The following SUSD3 variants were observed in gnomAD, a reference collection of about 807,000 sequenced individuals.
SUSD3 encodes the protein sushi domain containing 3.
SUSD3 carries 18 observed loss-of-function variants against 20.6 expected under a neutral mutation model. That is an observed-to-expected ratio of 0.87 (90% CI 0.60 to 1.30). SUSD3 has a LOEUF of 1.30. SUSD3 is among the 50% of genes most tolerant of loss of function. The pLI is 0.00. For synonymous variants in SUSD3, 137 were observed against 141.5 expected, an observed-to-expected ratio of 0.97 and a Z score of 0.23; for missense variants, 306 against 346.9, an observed-to-expected ratio of 0.88 and a Z score of 0.94.
At chr9:93,064,123 A>G (rs1825613967) in intron 1 of SUSD3, among the ~76,000 whole-genome samples, 1 of 151,964 alleles carries the variant, frequency 6.6e-6, no homozygotes, top group African/African-American at 2.4e-5. Flanking sequence ...ATCTTGGCTC[A>G]CTGCGGCTTC....
In SUSD3 at chr9:93,084,554, C is replaced by T; in HGVS notation, c.575C>T (p.Thr192Ile). 1.3e-6 allele frequency: 2 copies of T among 1,595,956 alleles called. No homozygotes were observed. Among genetic ancestry groups the T allele is most frequent in the South Asian group, 1.1e-5 (1 of 88,184 alleles). The change falls in exon 5 of 5, where the codon ACC becomes ATC. Residue 192 changes from threonine (T) to isoleucine (I), a missense_variant. Thr to Ile is a moderately conservative substitution (Grantham distance 89). Transcript: ENST00000375472. ...CTCCACAGAGACCATGGTGAGAGCA[C>T]CAGCAAGCTGGCCAGTGTGACCCGC... ...HSFTTDHGES[T>I]SKLASVTRSV... is the part of the protein sequence containing the mutation.
chr9:93,066,008 G>A (rs920575619), intron 1 of SUSD3, among the ~76,000 whole-genome samples: 3 of 152,292 alleles, frequency 2.0e-5, no homozygotes, highest in Admixed American at 1.3e-4. Flanking sequence ...TATGCTCAGC[G>A]TCAGCTGTCA....
intron 1 of SUSD3, among the ~76,000 whole-genome samples, chr9:93,062,223 A>T (rs1436633073): frequency 6.6e-6 from 1 of 152,212 alleles, no homozygotes; most frequent in Non-Finnish European, 1.5e-5. Flanking sequence ...GGCATCACAC[A>T]GGTGTGGCCC....
At chr9:93,066,322 C>T (rs1463369384) in intron 1 of SUSD3, among the ~76,000 whole-genome samples, 1 of 152,208 alleles carries the variant, frequency 6.6e-6, no homozygotes, top group Non-Finnish European at 1.5e-5. Context: ...CAACCTCCAC[C>T]TCCCAGGTTC....
In SUSD3 at chr9:93,075,980, C is replaced by G. The variant is rs1826142210; in HGVS notation, c.277+8C>G. The G allele has an allele frequency of 6.3e-7, 1 of 1,579,282 alleles. No homozygotes were observed. Among genetic ancestry groups the G allele is most frequent in the Non-Finnish European group, 8.6e-7 (1 of 1,156,932 alleles). On this transcript the variant is annotated splice_region_variant and intron_variant, in intron 2 of 4. Transcript: ENST00000375472. The stretch of plus-strand genomic sequence containing the variant: ...GGTCCCCAGTGTGCAAACGTAAGGA[C>G]CCCTCTCTCAGCTCGGTGGCTCTGG...
intron 1 of SUSD3, among the ~76,000 whole-genome samples, chr9:93,067,781 C>T (rs766596131): frequency 1.3e-5 from 2 of 152,042 alleles, no homozygotes; most frequent in East Asian, 3.9e-4. Flanking sequence ...TAGTTTTAGT[C>T]GAGACAGAGT....
chr9:93,077,990 A>G lies in SUSD3; in HGVS notation c.422A>G (p.Asn141Ser), dbSNP rs749051762. Residue 141 changes from asparagine to serine, a missense_variant, in exon 3 of 5, where the codon AAC becomes AGC. By Grantham distance (46) the Asn-to-Ser change is conservative. Coordinates refer to ENST00000375472, the MANE Select transcript of SUSD3 (RefSeq NM_145006.4). ...CVKKSKRRRS[N>S]RSAQLWSQLK... Reference sequence around the variant, plus strand: ...AAGAAGAGCAAGCGGCGGCGCTCCAACAGGTACGGTGGCCTCATGATCTCA... The same window carrying G: ...AAGAAGAGCAAGCGGCGGCGCTCCAGCAGGTACGGTGGCCTCATGATCTCA... 1.2e-6 allele frequency: 2 copies of G among 1,614,050 alleles called. No homozygotes were observed. Among genetic ancestry groups the G allele is most frequent in the African/African-American group, 2.7e-5 (2 of 74,946 alleles).
chr9:93,077,710 A>C, intron 2 of SUSD3, 136 bp from the exon 3 acceptor site: 1 of 830,572 alleles, frequency 1.2e-6, no homozygotes, highest in East Asian at 2.7e-5. Flanking sequence ...TTACCATGCA[A>C]ACAGGGCTCA....
chr9:93,066,447 G>A (rs929607806), intron 1 of SUSD3, among the ~76,000 whole-genome samples: 3 of 151,952 alleles, frequency 2.0e-5, no homozygotes, highest in East Asian at 1.9e-4. Context: ...TTGGTCAGGC[G>A]GGTCTCAAAC....
chr9:93,065,568 A>G (rs916450430), intron 1 of SUSD3, among the ~76,000 whole-genome samples: 2 of 152,198 alleles, frequency 1.3e-5, no homozygotes, highest in Non-Finnish European at 2.9e-5. Flanking sequence ...AGGACTGGGA[A>G]GTGTTGGCTG....
chr9:93,083,267 C>T (rs955719217), intron 4 of SUSD3, among the ~76,000 whole-genome samples: 2 of 152,172 alleles, frequency 1.3e-5, no homozygotes, highest in Non-Finnish European at 2.9e-5. Context: ...AGCACTCAGC[C>T]CAGCTTCATG....
chr9:93,070,506 G>A (rs1228935021), intron 1 of SUSD3, among the ~76,000 whole-genome samples: 6 of 152,220 alleles, frequency 3.9e-5, no homozygotes, highest in Non-Finnish European at 8.8e-5. Flanking sequence ...AGGTGCCTGC[G>A]GTTGACCCTG....
chr9:93,080,739 G>A (rs1199017596), intron 4 of SUSD3, among the ~76,000 whole-genome samples: 3 of 152,234 alleles, frequency 2.0e-5, no homozygotes, highest in Admixed American at 2.0e-4. Context: ...TCTGACTTGT[G>A]GTCTCAGCGT....
At chr9:93,071,199 GT>G (rs1160286550) in intron 1 of SUSD3, among the ~76,000 whole-genome samples, 1 of 152,208 alleles carries the variant, frequency 6.6e-6, no homozygotes, top group Non-Finnish European at 1.5e-5. Flanking sequence ...ATAAAGGGGA[GT>G]TTATTAAGGA....
At chr9:93,066,944 G>C (rs544656332) in intron 1 of SUSD3, among the ~76,000 whole-genome samples, 1 of 151,780 alleles carries the variant, frequency 6.6e-6, no homozygotes, top group South Asian at 2.1e-4. Context: ...CTGACCTCAG[G>C]TGATCTGACC....
At chr9:93,070,513 C>G (rs991176140) in intron 1 of SUSD3, among the ~76,000 whole-genome samples, 1 of 152,220 alleles carries the variant, frequency 6.6e-6, no homozygotes, top group African/African-American at 2.4e-5. Context: ...TGCGGTTGAC[C>G]CTGGCGGAAC....
Position 93,077,844 on chromosome 9 carries a change from A to C in SUSD3, c.278-2A>C. The C allele has an allele frequency of 6.2e-7, 1 of 1,614,084 alleles. No homozygotes were observed. ...AGGAGCTGGTGGTTGTCTCCCACAC[A>C]GTGGTGCCACCACACGAGACCTTTG... On this transcript the variant is annotated splice_acceptor_variant, in intron 2 of 4. Coordinates refer to ENST00000375472, the MANE Select transcript of SUSD3 (RefSeq NM_145006.4). LOFTEE classifies it high-confidence loss of function.
chr9:93,070,379 A>G (rs1284296130), intron 1 of SUSD3, among the ~76,000 whole-genome samples: 3 of 152,192 alleles, frequency 2.0e-5, no homozygotes, highest in African/African-American at 7.2e-5. Flanking sequence ...TGGCTGTGCA[A>G]ATGCTGAGGA....
At position 93,077,761 on chromosome 9, in the gene SUSD3, C is replaced by G. The variant is rs145123877; in HGVS notation, c.278-85C>G. The stretch of plus-strand genomic sequence containing the variant: ...GCCCTGTCTACACCCAGGCCCTACC[C>G]GTACCACCCCTGAGACCCCCAACCC... On this transcript the variant is annotated intron_variant, in intron 2 of 4. Transcript: ENST00000375472. 3 of 1,503,838 alleles carry G rather than the reference C, an allele frequency of 2.0e-6. No individual in the cohort carries two copies. In the African/African-American group the frequency reaches 4.1e-5, roughly 21 times the overall value. The allele number at this position is 1,503,838 out of a possible 1,614,324, so 93.2% of individuals were successfully genotyped here. A position where few individuals can be genotyped will look rare whatever the true frequency, so the allele number is the denominator to read the frequency against.
Sources: allele counts gnomAD v4.1 joint callset (sites outside exome capture counted in the v4.1 genomes callset), GRCh38; gene constraint gnomAD v4.1.1; transcripts MANE v1.5; gene names NCBI Gene and HGNC (gene_info 2026-07-23, HGNC 2026-07-21).